KCNQ3: variants seen among roughly 807,000 people sequenced by gnomAD.
KCNQ3 encodes potassium voltage-gated channel subfamily Q member 3.
A neutral mutation model predicts 92.5 loss-of-function variants in KCNQ3; 30 were observed. The observed-to-expected ratio is 0.32, with a 90% CI of 0.24 to 0.44. KCNQ3 has a LOEUF of 0.44. KCNQ3 is among the 20% of genes least tolerant of loss of function. KCNQ3 has a pLI of 1.00. For synonymous variants in KCNQ3, 450 were observed against 468.8 expected (o/e 0.96, Z 0.52); for missense variants, 913 against 1,140.3 (o/e 0.80, Z 2.87).
At chr8:132,243,042 A>G (rs1815044953) in intron 1 of KCNQ3, among the ~76,000 whole-genome samples, 1 of 152,238 alleles carries the variant, frequency 6.6e-6, no homozygotes, top group African/African-American at 2.4e-5. Flanking sequence ...AGACAATAAA[A>G]TCCCCATTGC....
At position 132,128,602 on chromosome 8, in the gene KCNQ3, C is replaced by G. The variant is rs974075866; in HGVS notation, c.*660G>C. On this transcript the variant is annotated 3_prime_UTR_variant, in exon 15 of 15. Coordinates refer to ENST00000388996, the MANE Select transcript of KCNQ3 (RefSeq NM_004519.4). ...AATGCTACACTTGGGATTACCACCA[C>G]TTTTTACAGATAAGGAAACTGAGGC... is the stretch of plus-strand genomic sequence containing the variant. The G allele has an allele frequency of 2.6e-5, 4 of 152,904 alleles. No individual in the cohort carries two copies. 9.5% of individuals were successfully genotyped at this position (152,904 alleles called of 1,614,324 possible).
chr8:132,225,076 T>C (rs1473168314), intron 1 of KCNQ3, among the ~76,000 whole-genome samples: 3 of 152,184 alleles, frequency 2.0e-5, no homozygotes, highest in East Asian at 3.8e-4. Context: ...TTGTCCCCTG[T>C]TTGCAAATCA....
At chr8:132,319,334 T>G (rs1368964414) in intron 1 of KCNQ3, among the ~76,000 whole-genome samples, 1 of 152,186 alleles carries the variant, frequency 6.6e-6, no homozygotes, top group Non-Finnish European at 1.5e-5. Flanking sequence ...ATTTTTTGTA[T>G]TCCCACAGTG....
intron 1 of KCNQ3, among the ~76,000 whole-genome samples, chr8:132,205,001 C>A (rs1813611454): frequency 6.6e-6 from 1 of 152,174 alleles, no homozygotes; most frequent in Non-Finnish European, 1.5e-5. Context: ...TCTCTAATGT[C>A]CATCCAGGAA....
rs963622181 is a variant in KCNQ3, at chr8:132,480,874, G to GGGCGGCGGC, written c.-351_-343dup. On this transcript the variant is annotated 5_prime_UTR_variant, in exon 1 of 15. Transcript: ENST00000388996. ...GCGGGAGCCTGGAACCGGCGCTCCG[G>GGGCGGCGGC]GGCGGCGGCGGCGGCGGCGGCACCC... The GGGCGGCGGC allele has an allele frequency of 6.5e-6, 1 of 154,522 alleles. No homozygotes were observed. The highest frequency in any genetic ancestry group is 1.8e-4 in the South Asian group (1 of 5,666). The allele number at this position is 154,522 out of a possible 1,614,324, so 9.6% of individuals were successfully genotyped here. A position where few individuals can be genotyped will look rare whatever the true frequency, so the allele number is the denominator to read the frequency against.
intron 1 of KCNQ3, among the ~76,000 whole-genome samples, chr8:132,240,384 C>T (rs1448596697): frequency 6.6e-6 from 1 of 152,028 alleles, no homozygotes; most frequent in Non-Finnish European, 1.5e-5. Context: ...CTGGATTTCT[C>T]CATGTTGGTC....
At chr8:132,186,933 T>TGAGAGAGAGAGA (rs1206881344) in intron 1 of KCNQ3, among the ~76,000 whole-genome samples, 1 of 106,544 alleles carries the variant, frequency 9.4e-6, no homozygotes, top group Non-Finnish European at 1.8e-5. Context: ...TGTGTGTGTG[T>TGAGAGAGAGAGA]GAGAGAGAGA....
At chr8:132,404,695 G>T (rs1488199777) in intron 1 of KCNQ3, among the ~76,000 whole-genome samples, 1 of 152,088 alleles carries the variant, frequency 6.6e-6, no homozygotes, top group Non-Finnish European at 1.5e-5. Flanking sequence ...TGCTTCTCTG[G>T]TGGTACCTTG....
chr8:132,136,118 C>CAAAAAATAAAAAAAAAAA (rs1825075999), intron 12 of KCNQ3, among the ~76,000 whole-genome samples: 1 of 40,018 alleles, frequency 2.5e-5, no homozygotes, highest in Non-Finnish European at 3.9e-5. Context: ...GACTCCATCT[C>CAAAAAATAAAAAAAAAAA]AAAAAAAAAA....
At chr8:132,133,475 C>A (rs913457166) in intron 13 of KCNQ3, among the ~76,000 whole-genome samples, 2 of 151,258 alleles carry the variant, frequency 1.3e-5, no homozygotes, top group African/African-American at 2.4e-5. Flanking sequence ...CCTGCCTCAG[C>A]CTCCCAAGTA....
intron 1 of KCNQ3, among the ~76,000 whole-genome samples, chr8:132,393,018 C>T (rs919473824): frequency 2.6e-5 from 4 of 152,014 alleles, no homozygotes; most frequent in African/African-American, 9.7e-5. Flanking sequence ...TTCAACTTCT[C>T]GGTCCCCAGC....
intron 1 of KCNQ3, among the ~76,000 whole-genome samples, chr8:132,294,623 T>C (rs1031573163): frequency 1.3e-5 from 2 of 152,188 alleles, no homozygotes; most frequent in African/African-American, 4.8e-5. Context: ...TGAGATACTC[T>C]GTATTTTGTA....
intron 12 of KCNQ3, among the ~76,000 whole-genome samples, chr8:132,135,289 T>C (rs1018994950): frequency 2.6e-5 from 4 of 152,224 alleles, no homozygotes; most frequent in Admixed American, 2.0e-4. Flanking sequence ...CTGTGAGTCA[T>C]TGGTTCCTGC....
intron 1 of KCNQ3, among the ~76,000 whole-genome samples, chr8:132,431,420 C>G (rs184384567): frequency 6.6e-6 from 1 of 152,204 alleles, no homozygotes; most frequent in African/African-American, 2.4e-5. Context: ...TCCTCAGAGT[C>G]GGGGGACACA....
At chr8:132,383,079 C>T (rs1819795460) in intron 1 of KCNQ3, among the ~76,000 whole-genome samples, 1 of 152,142 alleles carries the variant, frequency 6.6e-6, no homozygotes, top group African/African-American at 2.4e-5. Context: ...AAACTCCAAC[C>T]CCTTGTCTTC....
intron 1 of KCNQ3, among the ~76,000 whole-genome samples, chr8:132,313,110 T>C (rs969144945): frequency 3.3e-5 from 5 of 152,214 alleles, no homozygotes; most frequent in Non-Finnish European, 4.4e-5. Context: ...ACCCTGCCTG[T>C]TGGCAAATGC....
rs1014015069 is a variant in KCNQ3, at chr8:132,182,023, C to T, written c.605-1694G>A. On this transcript the variant is annotated intron_variant, in intron 3 of 14. Coordinates refer to ENST00000388996, the MANE Select transcript of KCNQ3 (RefSeq NM_004519.4). ...TCGTGCCACTGCACTCCAGCCTGGG[C>T]GACAAGAGCGAGACTCCGTCTCAAA... Among the ~76,000 whole-genome samples, 7 of 145,262 alleles carry T rather than the reference C, an allele frequency of 4.8e-5. No individual in the cohort carries two copies. The Admixed American group carries it at 4.9e-4, about 10-fold the overall frequency.
intron 1 of KCNQ3, among the ~76,000 whole-genome samples, chr8:132,342,373 A>G (rs1818557805): frequency 6.6e-6 from 1 of 151,572 alleles, no homozygotes; most frequent in Non-Finnish European, 1.5e-5. Flanking sequence ...AACCACCATC[A>G]AATTTCCCCA....
chr8:132,151,130 C>G (rs1825625316), intron 9 of KCNQ3, among the ~76,000 whole-genome samples: 1 of 152,180 alleles, frequency 6.6e-6, no homozygotes, highest in Admixed American at 6.5e-5. Flanking sequence ...AATTTGCCAG[C>G]TTCACAACTG....
Sources: gnomAD v4.1 joint callset for allele counts (sites outside exome capture counted in the v4.1 genomes callset) on GRCh38, gnomAD v4.1.1 for gene constraint, MANE v1.5 for transcripts, NCBI Gene and HGNC (gene_info 2026-07-23, HGNC 2026-07-21) for gene names.